STK39: variants seen among roughly 807,000 people sequenced by gnomAD.
STK39 encodes the protein STE20/SPS1-related proline-alanine-rich protein kinase.
In STK39, 20 loss-of-function variants were observed where a neutral mutation model predicts 77.8. The observed-to-expected ratio is 0.26, with a 90% CI of 0.18 to 0.37. STK39 has a LOEUF of 0.37. Among genes scored for constraint, STK39 ranks in the 10% least tolerant of loss-of-function variants. STK39 has a pLI of 1.00. For synonymous variants in STK39, 246 were observed against 234.1 expected (o/e 1.05, Z -0.47); for missense variants, 479 against 656.5 (o/e 0.73, Z 2.95).
In STK39 at chr2:168,140,620, T is replaced by C. The variant is rs766979191; in HGVS notation, c.738+29A>G. 3.9e-5 allele frequency: 60 copies of C among 1,552,082 alleles called. No individual in the cohort carries two copies. The African/African-American group carries it at 6.7e-4, about 17-fold the overall frequency. On this transcript the variant is annotated intron_variant, in intron 6 of 17. Coordinates refer to ENST00000355999, the MANE Select transcript of STK39 (RefSeq NM_013233.3). Reference sequence around the variant, plus strand: ...GATCTGTACGATTGTACTATGTCCATCAAAAAGTCACTTTTTTTGTTTTTT... The same window carrying C: ...GATCTGTACGATTGTACTATGTCCACCAAAAAGTCACTTTTTTTGTTTTTT...
intron 17 of STK39, among the ~76,000 whole-genome samples, chr2:167,963,686 T>C (rs1692064267): frequency 6.6e-6 from 1 of 152,206 alleles, no homozygotes; most frequent in African/African-American, 2.4e-5. Context: ...TGAAAATCTT[T>C]GTGTTTTTCT....
intron 14 of STK39, among the ~76,000 whole-genome samples, chr2:168,043,950 T>C (rs969300696): frequency 6.6e-6 from 1 of 152,230 alleles, no homozygotes; most frequent in African/African-American, 2.4e-5. Flanking sequence ...AGAACAATAA[T>C]AGATGTAGGC....
At chr2:167,957,916 C>T (rs1186587178) in intron 17 of STK39, among the ~76,000 whole-genome samples, 1 of 152,184 alleles carries the variant, frequency 6.6e-6, no homozygotes, top group Non-Finnish European at 1.5e-5. Context: ...ACCCTGGGTC[C>T]TCAGTGCCTC....
At chr2:168,114,746 C>T (rs1233687326) in intron 10 of STK39, among the ~76,000 whole-genome samples, 1 of 152,124 alleles carries the variant, frequency 6.6e-6, no homozygotes, top group Non-Finnish European at 1.5e-5. Context: ...TGACCAACAC[C>T]TGGCACCGCA....
At chr2:167,985,159 T>C (rs772767112) in intron 16 of STK39, among the ~76,000 whole-genome samples, 2 of 152,252 alleles carry the variant, frequency 1.3e-5, no homozygotes, top group Non-Finnish European at 2.9e-5. Flanking sequence ...TATCTCACTA[T>C]ATTAGTTGCG....
intron 5 of STK39, among the ~76,000 whole-genome samples, chr2:168,145,677 A>C (rs1486207802): frequency 6.6e-6 from 1 of 152,182 alleles, no homozygotes; most frequent in Non-Finnish European, 1.5e-5. Context: ...AATGTACCTA[A>C]AATACTTCAA....
intron 10 of STK39, among the ~76,000 whole-genome samples, chr2:168,100,429 T>G (rs4667558): frequency 0.98 from 149,150 of 152,146 alleles, 73,149 homozygotes; most frequent in East Asian, 1. Flanking sequence ...TATTTATTTA[T>G]TTAGTTAGTT....
Position 168,216,131 on chromosome 2 carries a change from T to C in STK39, c.208+31097A>G, listed in dbSNP as rs530920347. 2.0e-3 allele frequency among the ~76,000 whole-genome samples: 199 copies of C among 101,348 alleles called. 1 individual carries two copies. Among genetic ancestry groups the C allele is most frequent in the African/African-American group, 4.9e-3 (185 of 37,662 alleles). 66.5% of individuals were successfully genotyped at this position (101,348 alleles called of 152,430 possible). ...AGAGACAGGAAACAGAGTTCAGATA[T>C]GGATAGGCCTCCCGTGCTTCCTCCT... On this transcript the variant is annotated intron_variant, in intron 1 of 17. Coordinates refer to ENST00000355999, the MANE Select transcript of STK39 (RefSeq NM_013233.3).
At chr2:168,091,543 T>C (rs1213474333) in intron 10 of STK39, among the ~76,000 whole-genome samples, 2 of 152,184 alleles carry the variant, frequency 1.3e-5, no homozygotes, top group African/African-American at 2.4e-5. Flanking sequence ...GATTCCTCAG[T>C]TATTGGGTCA....
At chr2:167,962,233 G>A (rs1259791124) in intron 17 of STK39, among the ~76,000 whole-genome samples, 3 of 152,170 alleles carry the variant, frequency 2.0e-5, no homozygotes, top group Non-Finnish European at 4.4e-5. Context: ...GAGGAAAAAC[G>A]CTGCTGAAAT....
chr2:168,016,977 A>G lies in STK39; in HGVS notation c.1429+66T>C, dbSNP rs567132642. 5.5e-6 allele frequency: 7 copies of G among 1,284,254 alleles called. No individual in the cohort carries two copies. In the East Asian group the frequency reaches 1.4e-4, roughly 26 times the overall value. The allele number at this position is 1,284,254 out of a possible 1,614,324, so 79.6% of individuals were successfully genotyped here. ...GTTTTAAATAGCAGATTATAACCAC[A>G]TGCTTGTAATCAATTTCTGCAATGC... is the stretch of plus-strand genomic sequence containing the variant. On this transcript the variant is annotated intron_variant, in intron 15 of 17. Transcript: ENST00000355999.
intron 16 of STK39, among the ~76,000 whole-genome samples, chr2:167,979,044 T>C (rs1310712417): frequency 2.0e-5 from 3 of 152,216 alleles, no homozygotes; most frequent in Non-Finnish European, 2.9e-5. Context: ...TAGTATTCCA[T>C]TGTATGCTAT....
At chr2:168,134,040 T>C (rs1687769810) in intron 8 of STK39, among the ~76,000 whole-genome samples, 1 of 152,202 alleles carries the variant, frequency 6.6e-6, no homozygotes, top group African/African-American at 2.4e-5. Context: ...GCCTACCTTT[T>C]AGCTGAGTAC....
chr2:168,107,572 C>G (rs999970540), intron 10 of STK39, among the ~76,000 whole-genome samples: 2 of 152,298 alleles, frequency 1.3e-5, no homozygotes, highest in Admixed American at 1.3e-4. Context: ...GAAGTCTGGA[C>G]TGACTCATTA....
Position 168,008,850 on chromosome 2 carries a change from C to T in STK39, c.1498+3784G>A, listed in dbSNP as rs570665996. Among the ~76,000 whole-genome samples, 289 of 152,284 alleles carry T rather than the reference C, an allele frequency of 1.9e-3. 1 individual carries two copies. The highest frequency in any genetic ancestry group is 2.9e-3 in the Non-Finnish European group (197 of 68,020). Reference sequence around the variant, plus strand: ...TCATGGAGAAGGGCATTGTCAACTACGCCCAATACTGCCAATAGGTCAAGC... The same window carrying T: ...TCATGGAGAAGGGCATTGTCAACTATGCCCAATACTGCCAATAGGTCAAGC... On this transcript the variant is annotated intron_variant, in intron 16 of 17. Coordinates refer to ENST00000355999, the MANE Select transcript of STK39 (RefSeq NM_013233.3).
At chr2:168,083,269 C>A (rs1279657034) in intron 10 of STK39, among the ~76,000 whole-genome samples, 7 of 149,548 alleles carry the variant, frequency 4.7e-5, no homozygotes, top group Non-Finnish European at 8.9e-5. Context: ...TTTGTCGATC[C>A]AATTGGAATT....
chr2:168,183,473 C>A (rs562039686), intron 1 of STK39, among the ~76,000 whole-genome samples: 3 of 152,270 alleles, frequency 2.0e-5, no homozygotes, highest in South Asian at 4.1e-4. Flanking sequence ...TAATAAGTAC[C>A]TGAGCCAGTA....
intron 5 of STK39, among the ~76,000 whole-genome samples, chr2:168,159,862 C>A (rs1001660758): frequency 1.3e-5 from 2 of 152,216 alleles, no homozygotes; most frequent in African/African-American, 2.4e-5. Context: ...CCTCTCTACA[C>A]ATCAATTCAC....
intron 16 of STK39, among the ~76,000 whole-genome samples, chr2:167,974,701 T>C (rs1187684506): frequency 1.3e-5 from 2 of 152,232 alleles, no homozygotes; most frequent in Non-Finnish European, 2.9e-5. Flanking sequence ...AAGTGCTTAA[T>C]GCTCATGCAG....
Sources: allele counts gnomAD v4.1 joint callset (sites outside exome capture counted in the v4.1 genomes callset), GRCh38; gene constraint gnomAD v4.1.1; transcripts MANE v1.5; gene names NCBI Gene and HGNC (gene_info 2026-07-23, HGNC 2026-07-21).